The following CNGB3 variants were observed in gnomAD, a reference collection of about 807,000 sequenced individuals.
CNGB3 encodes cyclic nucleotide gated channel subunit beta 3.
In CNGB3, 86 loss-of-function variants were observed where a neutral mutation model predicts 92.8. The ratio of observed to expected loss-of-function variants is 0.93; its 90% CI spans 0.78 to 1.11. The LOEUF (loss-of-function observed/expected upper bound fraction) is 1.11, where lower values mean the gene tolerates loss of function less well. CNGB3 is among the 50% of genes least tolerant of loss of function. The pLI is 0.00. For synonymous variants in CNGB3, 333 were observed against 332.7 expected, an observed-to-expected ratio of 1.00 and a Z score of -0.01; for missense variants, 1,026 against 956.8, an observed-to-expected ratio of 1.07 and a Z score of -0.95.
intron 10 of CNGB3, among the ~76,000 whole-genome samples, chr8:86,637,362 C>T (rs1215260363): frequency 6.6e-6 from 1 of 152,098 alleles, no homozygotes; most frequent in East Asian, 1.9e-4. Flanking sequence ...ATTATGGTAG[C>T]TCTGTGATAT....
chr8:86,691,259 C>T (rs1453669289), intron 3 of CNGB3, among the ~76,000 whole-genome samples: 1 of 152,098 alleles, frequency 6.6e-6, no homozygotes, highest in Admixed American at 6.5e-5. Context: ...TTTATAAGAT[C>T]TAGGAGCTTT....
intron 2 of CNGB3, among the ~76,000 whole-genome samples, chr8:86,737,555 G>C (rs1454335079): frequency 1.1e-4 from 16 of 151,584 alleles, no homozygotes; most frequent in Non-Finnish European, 2.1e-4. Context: ...AAGTAAGATG[G>C]TACTGGAATT....
At chr8:86,680,610 G>C (rs1824064173) in intron 3 of CNGB3, among the ~76,000 whole-genome samples, 1 of 152,160 alleles carries the variant, frequency 6.6e-6, no homozygotes. Flanking sequence ...GAGGGAATTT[G>C]GACTAGAGAA....
intron 3 of CNGB3, among the ~76,000 whole-genome samples, chr8:86,710,753 C>A (rs558593538): frequency 6.6e-6 from 1 of 152,186 alleles, no homozygotes; most frequent in Non-Finnish European, 1.5e-5. Flanking sequence ...TAAAACAAAA[C>A]CCTAAAAGAA....
At chr8:86,685,803 GA>G (rs2131631850) in intron 3 of CNGB3, among the ~76,000 whole-genome samples, 1 of 152,156 alleles carries the variant, frequency 6.6e-6, no homozygotes, top group Non-Finnish European at 1.5e-5. Context: ...TTAAGAGGCA[GA>G]ACTAGTCTTA....
intron 10 of CNGB3, among the ~76,000 whole-genome samples, chr8:86,635,331 A>G (rs1823041238): frequency 6.6e-6 from 1 of 152,156 alleles, no homozygotes; most frequent in Non-Finnish European, 1.5e-5. Context: ...CAACATGGTC[A>G]ATTCCATGAT....
At chr8:86,668,729 A>G (rs1448006175) in intron 4 of CNGB3, among the ~76,000 whole-genome samples, 5 of 151,640 alleles carry the variant, frequency 3.3e-5, no homozygotes, top group African/African-American at 9.7e-5. Context: ...CTACTAAATG[A>G]TGACAAAATT....
At chr8:86,646,465 G>T (rs1475762822) in intron 8 of CNGB3, among the ~76,000 whole-genome samples, 1 of 151,196 alleles carries the variant, frequency 6.6e-6, no homozygotes, top group African/African-American at 2.4e-5. Flanking sequence ...CCCCTCATAT[G>T]CAGTGTGTCT....
intron 3 of CNGB3, among the ~76,000 whole-genome samples, chr8:86,692,867 G>A (rs1251912195): frequency 6.6e-6 from 1 of 152,048 alleles, no homozygotes; most frequent in African/African-American, 2.4e-5. Context: ...GGTGTATTTT[G>A]AGGTTTTGTT....
intron 3 of CNGB3, among the ~76,000 whole-genome samples, chr8:86,692,791 C>CA (rs1277505523): frequency 1.3e-5 from 2 of 151,216 alleles, no homozygotes; most frequent in African/African-American, 4.9e-5. Context: ...GCCTAAATAC[C>CA]TTTTTTTTTC....
chr8:86,591,442 T>C (rs373710697), intron 15 of CNGB3, among the ~76,000 whole-genome samples: 22,137 of 151,012 alleles, frequency 0.15, 1,956 homozygotes, highest in African/African-American at 0.25. Context: ...CCAGTTTTTC[T>C]GTTCTGTTTT....
chr8:86,587,351 A>C (rs913082763), intron 15 of CNGB3, among the ~76,000 whole-genome samples: 5 of 152,044 alleles, frequency 3.3e-5, no homozygotes, highest in Admixed American at 6.5e-5. Flanking sequence ...ATTAGATCCC[A>C]TTTGTCAATT....
At chr8:86,687,455 T>A (rs957333876) in intron 3 of CNGB3, among the ~76,000 whole-genome samples, 7 of 152,046 alleles carry the variant, frequency 4.6e-5, no homozygotes, top group African/African-American at 1.7e-4. Context: ...TATGGTATGA[T>A]TTCATTCATA....
At chr8:86,587,328 G>A (rs927068517) in intron 15 of CNGB3, among the ~76,000 whole-genome samples, 2 of 152,144 alleles carry the variant, frequency 1.3e-5, no homozygotes, top group Non-Finnish European at 2.9e-5. Context: ...CCGTGCAGAA[G>A]CTCTTTAGTT....
intron 11 of CNGB3, 143 bp downstream of exon 11, chr8:86,632,609 T>C: frequency 1.2e-6 from 1 of 831,358 alleles, no homozygotes; most frequent in Non-Finnish European, 1.9e-6. Context: ...CACATCCTCC[T>C]TCAACTCATT....
chr8:86,590,702 G>T (rs1822008964), intron 15 of CNGB3, among the ~76,000 whole-genome samples: 2 of 145,440 alleles, frequency 1.4e-5, no homozygotes, highest in Non-Finnish European at 3.0e-5. Flanking sequence ...TTTCTGCTGA[G>T]AGATCCGCTG....
At chr8:86,584,891 A>G (rs1821862801) in intron 15 of CNGB3, among the ~76,000 whole-genome samples, 1 of 152,222 alleles carries the variant, frequency 6.6e-6, no homozygotes, top group African/African-American at 2.4e-5. Context: ...TGTATTCAGT[A>G]CAGTGAAGTG....
intron 3 of CNGB3, among the ~76,000 whole-genome samples, chr8:86,681,776 A>G (rs1311893069): frequency 6.6e-6 from 1 of 152,206 alleles, no homozygotes; most frequent in Non-Finnish European, 1.5e-5. Flanking sequence ...TTTCTCATTG[A>G]CAACACTGAA....
intron 14 of CNGB3, among the ~76,000 whole-genome samples, chr8:86,611,099 C>G (rs1320183884): frequency 6.6e-6 from 1 of 151,976 alleles, no homozygotes; most frequent in Non-Finnish European, 1.5e-5. Context: ...TATTTATGTC[C>G]TTATGTTTTT....
Sources: gnomAD v4.1 joint callset for allele counts (sites outside exome capture counted in the v4.1 genomes callset) on GRCh38, gnomAD v4.1.1 for gene constraint, MANE v1.5 for transcripts, NCBI Gene and HGNC (gene_info 2026-07-23, HGNC 2026-07-21) for gene names.